KCNQ4: variants seen among roughly 807,000 people sequenced by gnomAD.
KCNQ4 encodes the protein potassium voltage-gated channel subfamily Q member 4, also known as potassium voltage-gated channel subfamily KQT member 4.
A neutral mutation model predicts 72.6 loss-of-function variants in KCNQ4; 31 were observed. The ratio of observed to expected loss-of-function variants is 0.43; its 90% CI spans 0.32 to 0.58. The LOEUF (loss-of-function observed/expected upper bound fraction) is 0.58. Among genes scored for constraint, KCNQ4 ranks in the 20% least tolerant of loss-of-function variants. The pLI, the probability that KCNQ4 is intolerant of heterozygous loss-of-function variation, is 0.08. For missense variants in KCNQ4, 869 were observed against 962.6 expected (o/e 0.90, Z 1.29); for synonymous variants, 405 against 403.7 (o/e 1.00, Z -0.04).
At chr1:40,796,900 AGAGT>A (rs1647429778) in intron 1 of KCNQ4, among the ~76,000 whole-genome samples, 1 of 148,306 alleles carries the variant, frequency 6.7e-6, no homozygotes, top group Non-Finnish European at 1.5e-5. Context: ...CCTGGATGAC[AGAGT>A]GAGACTCCAT....
chr1:40,834,921 T>C (rs779250926), intron 11 of KCNQ4, 46 bp from the exon 12 acceptor site: 4 of 1,608,102 alleles, frequency 2.5e-6, no homozygotes, highest in Non-Finnish European at 3.4e-6. Context: ...TGGGAAAGAA[T>C]CCCTGCTCTA....
chr1:40,832,962 G>C (rs1192643335), intron 10 of KCNQ4, 52 bp from the exon 11 acceptor site: 7 of 1,326,126 alleles, frequency 5.3e-6, no homozygotes, highest in Non-Finnish European at 5.4e-6. Flanking sequence ...TCGGATGGGA[G>C]GTTGGGAGTG....
chr1:40,799,587 AG>A (rs1256820360), intron 1 of KCNQ4, among the ~76,000 whole-genome samples: 1 of 152,212 alleles, frequency 6.6e-6, no homozygotes, highest in Non-Finnish European at 1.5e-5. Flanking sequence ...TTGAGGGTCC[AG>A]CCCCCGGTCA....
intron 1 of KCNQ4, among the ~76,000 whole-genome samples, chr1:40,805,864 T>C (rs1647742555): frequency 1.3e-5 from 2 of 151,978 alleles, no homozygotes; most frequent in South Asian, 2.1e-4. Flanking sequence ...TTTTTTAAGA[T>C]GGAGTCTTGC....
At position 40,835,067 on chromosome 1, in the gene KCNQ4, A is replaced by C. The variant is rs1648771219; in HGVS notation, c.1714A>C (p.Met572Leu). ...GCAGTACTCAGCAGGCCACCTGGAC[A>C]TGCTGGGCCGGATCAAGAGCCTGCA... Reference protein sequence around the residue: ...IEQYSAGHLDMLGRIKSLQTR... With the variant: ...IEQYSAGHLDLLGRIKSLQTR... Residue 572 changes from methionine to leucine, a missense_variant, in exon 12 of 14, where the codon ATG becomes CTG. Physicochemically the swap from Met to Leu is conservative, Grantham distance 15. Transcript: ENST00000347132. 1.2e-6 allele frequency: 2 copies of C among 1,613,970 alleles called. No individual in the cohort carries two copies. Among genetic ancestry groups the C allele is most frequent in the East Asian group, 4.5e-5 (2 of 44,862 alleles).
At chr1:40,802,897 C>T (rs371240679) in intron 1 of KCNQ4, among the ~76,000 whole-genome samples, 12 of 152,194 alleles carry the variant, frequency 7.9e-5, no homozygotes, top group African/African-American at 2.7e-4. Flanking sequence ...TGCTAAAAGT[C>T]ACACAGCCAA....
chr1:40,806,550 C>T (rs1180733818), intron 1 of KCNQ4, among the ~76,000 whole-genome samples: 1 of 152,226 alleles, frequency 6.6e-6, no homozygotes, highest in Non-Finnish European at 1.5e-5. Flanking sequence ...TCATCAAACA[C>T]CTTGTCTAGA....
chr1:40,795,807 G>A (rs1037724078), intron 1 of KCNQ4, among the ~76,000 whole-genome samples: 1 of 152,206 alleles, frequency 6.6e-6, no homozygotes, highest in Non-Finnish European at 1.5e-5. Flanking sequence ...GGGAACTCTA[G>A]GAAAAGAATG....
rs1039523030 is a variant in KCNQ4, at chr1:40,794,140, G to A, written c.314+9733G>A. 1.5e-4 allele frequency among the ~76,000 whole-genome samples: 23 copies of A among 152,310 alleles called. No individual in the cohort carries two copies. The highest frequency in any genetic ancestry group is 6.5e-4 in the Admixed American group (10 of 15,308). On this transcript the variant is annotated intron_variant, in intron 1 of 13. Coordinates refer to ENST00000347132, the MANE Select transcript of KCNQ4 (RefSeq NM_004700.4). The surrounding 1 kb of genome is among the most constrained non-coding windows in gnomAD (Gnocchi z 4.2). ...TGTGGGTGTTCATGATTTTTATCCCGAGTGAGCTCCAGGTGAAGGGAACAG... is the reference window on the plus strand; with the variant it reads ...TGTGGGTGTTCATGATTTTTATCCCAAGTGAGCTCCAGGTGAAGGGAACAG...
At chr1:40,819,696 C>T (rs1490864604) in intron 5 of KCNQ4, among the ~76,000 whole-genome samples, 179 bp from the exon 6 acceptor site, 4 of 151,986 alleles carry the variant, frequency 2.6e-5, no homozygotes, top group Non-Finnish European at 1.5e-5. Flanking sequence ...GACCTTGTGA[C>T]TATACCCCTT....
chr1:40,819,469 G>T lies in KCNQ4; in HGVS notation c.831G>T (p.Gly277=). The T allele has an allele frequency of 6.2e-7, 1 of 1,613,872 alleles. No individual in the cohort carries two copies. Residue 277 remains glycine (G), a synonymous_variant, in exon 5 of 14, where the codon GGG becomes GGT. Transcript: ENST00000347132. ...CCTACGCCGACTCGCTCTGGTGGGG[G>T]ACGGTGCGTGAGGGTCTTTGTAGGG... The part of the protein sequence containing the change: ...FSSYADSLWW[G]TITLTTIGYG...
Position 40,838,533 on chromosome 1 carries a change from C to T in KCNQ4, c.*10C>T. 6.2e-7 allele frequency: 1 copy of T among 1,613,452 alleles called. No individual in the cohort carries two copies. Among genetic ancestry groups the T allele is most frequent in the Non-Finnish European group, 8.5e-7 (1 of 1,179,374 alleles). The stretch of plus-strand genomic sequence containing the variant: ...CACCAACATGGACTGAGGGACTTCT[C>T]AGAGGCAGGGCAGCACACGGCCAGC... On this transcript the variant is annotated 3_prime_UTR_variant, in exon 14 of 14. Transcript: ENST00000347132.
At chr1:40,801,363 G>T (rs955107481) in intron 1 of KCNQ4, among the ~76,000 whole-genome samples, 2 of 152,124 alleles carry the variant, frequency 1.3e-5, no homozygotes, top group Non-Finnish European at 2.9e-5. Flanking sequence ...TGGGGAGAGG[G>T]GCACTCACCC....
intron 1 of KCNQ4, among the ~76,000 whole-genome samples, chr1:40,785,864 T>C (rs1647197230): frequency 6.6e-6 from 1 of 152,086 alleles, no homozygotes; most frequent in African/African-American, 2.4e-5. Context: ...AGCAGGGCTC[T>C]CTCGGCCATT....
At chr1:40,790,453 T>G (rs931932445) in intron 1 of KCNQ4, among the ~76,000 whole-genome samples, 3 of 152,176 alleles carry the variant, frequency 2.0e-5, no homozygotes, top group African/African-American at 7.2e-5. Context: ...TGTCTGCCTG[T>G]GTCCTGGGGC....
intron 9 of KCNQ4, among the ~76,000 whole-genome samples, chr1:40,827,406 G>A (rs1283103257): frequency 3.9e-5 from 6 of 152,270 alleles, no homozygotes; most frequent in South Asian, 2.1e-4. Flanking sequence ...GAAGCAGCAC[G>A]GACCCAAGCA....
chr1:40,784,316 G>C lies in KCNQ4; in HGVS notation c.223G>C (p.Ala75Pro). ...SGSACGQRSS[A>P]AHKRYRRLQN... ...CTCCGCCTGCGGCCAGCGCTCCTCGGCCGCGCACAAGCGCTACCGCCGCCT... is the reference window on the plus strand; with the variant it reads ...CTCCGCCTGCGGCCAGCGCTCCTCGCCCGCGCACAAGCGCTACCGCCGCCT... The change falls in exon 1 of 14, where the codon GCC becomes CCC. Residue 75 changes from alanine (A) to proline (P), a missense_variant. Ala to Pro is a conservative substitution (Grantham distance 27). Around this residue, in one of 5 missense-constraint regions of KCNQ4, gnomAD observed 178 missense variants for 145.3 expected, o/e 1.22. Transcript: ENST00000347132. This position sits in a 1 kb window ranked among gnomAD's most constrained non-coding sequence, Gnocchi z 4.1. The C allele has an allele frequency of 6.2e-7, 1 of 1,606,012 alleles. No homozygotes were observed. The highest frequency in any genetic ancestry group is 8.5e-7 in the Non-Finnish European group (1 of 1,178,300).
Position 40,784,269 on chromosome 1 carries a change from C to T in KCNQ4, c.176C>T (p.Pro59Leu), listed in dbSNP as rs775420649. ...CCCCTGCCGCCGGGCGCGCCCCTCC[C>T]TGGGCCGGGCTCCGGCTCGGGCTCC... ...GSPLPPGAPLPGPGSGSGSAC... is the reference protein window; with the variant it reads ...GSPLPPGAPLLGPGSGSGSAC... The change falls in exon 1 of 14, where the codon CCT becomes CTT. Residue 59 changes from proline (P) to leucine (L), a missense_variant. By Grantham distance (98) the Pro-to-Leu change is moderately conservative (BLOSUM62 -3). Transcript: ENST00000347132. This position sits in a 1 kb window ranked among gnomAD's most constrained non-coding sequence, Gnocchi z 4.1. 157 of 1,512,498 alleles carry T rather than the reference C, an allele frequency of 1.0e-4. 2 individuals are homozygous for T. In the Admixed American group the frequency reaches 3.2e-3, roughly 31 times the overall value. The allele number at this position is 1,512,498 out of a possible 1,614,324, so 93.7% of individuals were successfully genotyped here.
rs1557977849 is a variant in KCNQ4 at position 40,784,395 on chromosome 1, A to T, written c.302A>T (p.Tyr101Phe). The change falls in exon 1 of 14, where the codon TAC becomes TTC. Residue 101 changes from tyrosine to phenylalanine, a missense_variant. Transcript: ENST00000347132. The surrounding 1 kb of genome is among the most constrained non-coding windows in gnomAD (Gnocchi z 4.1). ...LERPRGWAFV[Y>F]HVFIFLLVFS... ...CGGCCCCGCGGCTGGGCCTTCGTCT[A>T]CCACGTCTTCATGTGAGTTTGCGAC... 6.2e-7 allele frequency: 1 copy of T among 1,608,450 alleles called. No individual in the cohort carries two copies. The highest frequency in any genetic ancestry group is 8.5e-7 in the Non-Finnish European group (1 of 1,178,806).
Sources: gnomAD v4.1 joint callset for allele counts (sites outside exome capture counted in the v4.1 genomes callset) on GRCh38, gnomAD v4.1.1 for gene constraint, gnomAD v4.1.1 regional missense constraint, Gnocchi (gnomAD v3.1) non-coding constraint, MANE v1.5 for transcripts, NCBI Gene and HGNC (gene_info 2026-07-23, HGNC 2026-07-21) for gene names.